The following NAA11 variants were observed in gnomAD, a reference collection of about 807,000 sequenced individuals.
The protein encoded by NAA11 is N-alpha-acetyltransferase 11, NatA catalytic subunit.
A neutral mutation model predicts 16.1 loss-of-function variants in NAA11; 15 were observed. That is an observed-to-expected ratio of 0.93 (90% CI 0.62 to 1.44). NAA11 has a LOEUF of 1.44. NAA11 is among the 40% of genes most tolerant of loss of function. The pLI is 0.00. For missense variants in NAA11, 298 were observed against 291.3 expected, an observed-to-expected ratio of 1.02 and a Z score of -0.17; for synonymous variants, 122 against 112.4, an observed-to-expected ratio of 1.09 and a Z score of -0.54.
chr4:79,279,852 C>G (rs999545385), intron 2 of NAA11, among the ~76,000 whole-genome samples: 5 of 152,044 alleles, frequency 3.3e-5, no homozygotes, highest in Non-Finnish European at 7.4e-5. Flanking sequence ...AGCCTTTCTG[C>G]CTAAATCAAA....
At chr4:79,173,875 T>C in the NAA11 span, among the ~76,000 whole-genome samples, 1 of 152,152 alleles carries the variant, frequency 6.6e-6, no homozygotes, top group African/African-American at 2.4e-5. Context: ...AGGCTGGCCC[T>C]GGACCTGGAA....
downstream of NAA11, among the ~76,000 whole-genome samples, chr4:79,221,631 A>G (rs1322968142): frequency 9.5e-6 from 1 of 105,274 alleles, no homozygotes; most frequent in Non-Finnish European, 2.2e-5. Context: ...TATTGAGATA[A>G]TCATGTGGTT....
the NAA11 span, among the ~76,000 whole-genome samples, chr4:79,178,016 G>A: frequency 6.6e-6 from 1 of 152,034 alleles, no homozygotes; most frequent in Non-Finnish European, 1.5e-5. Context: ...GATGTTATCA[G>A]CATCTGAGTT....
chr4:79,257,953 T>C (rs1722157691), intron 2 of NAA11, among the ~76,000 whole-genome samples: 1 of 152,212 alleles, frequency 6.6e-6, no homozygotes, highest in Non-Finnish European at 1.5e-5. Context: ...TACAAGACAA[T>C]ATGAAGCAAA....
the NAA11 span, among the ~76,000 whole-genome samples, chr4:79,179,016 T>C: frequency 6.6e-6 from 1 of 152,140 alleles, no homozygotes; most frequent in African/African-American, 2.4e-5. Context: ...TTGTAGTGTC[T>C]GTATCATCAT....
intron 1 of NAA11, among the ~76,000 whole-genome samples, chr4:79,322,411 CTTCTT>C (rs1336048778): frequency 1.3e-5 from 2 of 152,074 alleles, no homozygotes; most frequent in South Asian, 2.1e-4. Context: ...TTATTTCTCT[CTTCTT>C]TTACTACAGT....
At position 79,255,613 on chromosome 4, in the gene NAA11, A is replaced by G. The variant is rs186759301; in HGVS notation, c.*123-29343T>C. ...ATCTTTTATTTGGATTGTTTAATTCATTTATATTCAATGTTATTAGTGATA... is the reference window on the plus strand; with the variant it reads ...ATCTTTTATTTGGATTGTTTAATTCGTTTATATTCAATGTTATTAGTGATA... On this transcript the variant is annotated intron_variant and NMD_transcript_variant, in intron 2 of 2. Transcript: ENST00000511542. Among the ~76,000 whole-genome samples, 6 of 152,296 alleles carry G rather than the reference A, an allele frequency of 3.9e-5. No individual in the cohort carries two copies. In the East Asian group the frequency reaches 1.2e-3, roughly 29 times the overall value.
the NAA11 span, among the ~76,000 whole-genome samples, chr4:79,183,414 C>A: frequency 7.1e-6 from 1 of 141,360 alleles, no homozygotes; most frequent in Non-Finnish European, 1.6e-5. Flanking sequence ...AATAGTGGGG[C>A]CTAAAAAGAT....
At chr4:79,204,654 T>G in the NAA11 span, among the ~76,000 whole-genome samples, 9,132 of 151,674 alleles carry the variant, frequency 0.06, 387 homozygotes, top group Middle Eastern at 0.12. Context: ...TTAGTGTACC[T>G]GTCACCCAAT....
At chr4:79,173,391 A>G in the NAA11 span, among the ~76,000 whole-genome samples, 1 of 152,152 alleles carries the variant, frequency 6.6e-6, no homozygotes, top group Non-Finnish European at 1.5e-5. Flanking sequence ...GGAAAAACAC[A>G]CAGGAGGTAT....
At chr4:79,258,411 C>T (rs1231893934) in intron 2 of NAA11, among the ~76,000 whole-genome samples, 1 of 152,268 alleles carries the variant, frequency 6.6e-6, no homozygotes, top group Non-Finnish European at 1.5e-5. Context: ...CTTCTCCCTG[C>T]TGTCAGCACC....
the NAA11 span, among the ~76,000 whole-genome samples, chr4:79,183,919 A>T: frequency 1.1e-4 from 16 of 152,212 alleles, no homozygotes. Context: ...GGATCAAGTT[A>T]TGTCACATGC....
chr4:79,230,890 T>A (rs2109955418), intron 2 of NAA11, among the ~76,000 whole-genome samples: 1 of 152,106 alleles, frequency 6.6e-6, no homozygotes, highest in Middle Eastern at 3.4e-3. Flanking sequence ...TTAGCTATCC[T>A]AAAAAAACCT....
At chr4:79,273,534 C>T (rs948471535) in intron 2 of NAA11, among the ~76,000 whole-genome samples, 4 of 151,976 alleles carry the variant, frequency 2.6e-5, no homozygotes, top group Non-Finnish European at 5.9e-5. Context: ...AATGTTGTAT[C>T]GGCAAGGAGG....
chr4:79,174,710 G>T, the NAA11 span, among the ~76,000 whole-genome samples: 1 of 152,218 alleles, frequency 6.6e-6, no homozygotes, highest in South Asian at 2.1e-4. Context: ...AACAAGGATG[G>T]TATAAAACAT....
intron 2 of NAA11, among the ~76,000 whole-genome samples, chr4:79,259,703 C>T (rs1722207136): frequency 6.6e-6 from 1 of 152,244 alleles, no homozygotes; most frequent in Admixed American, 6.5e-5. Flanking sequence ...TAATTTGCAT[C>T]ATATTATCTT....
At chr4:79,177,222 A>G in the NAA11 span, among the ~76,000 whole-genome samples, 1 of 151,928 alleles carries the variant, frequency 6.6e-6, no homozygotes, top group South Asian at 2.1e-4. Flanking sequence ...TCAGCTCATA[A>G]TGTTTTGGGG....
intron 2 of NAA11, among the ~76,000 whole-genome samples, chr4:79,271,612 A>T (rs991155008): frequency 3.3e-5 from 5 of 152,078 alleles, no homozygotes; most frequent in African/African-American, 1.2e-4. Flanking sequence ...TAATATTGGT[A>T]CTTTAGCACC....
chr4:79,193,628 G>C, the NAA11 span, among the ~76,000 whole-genome samples: 9 of 152,158 alleles, frequency 5.9e-5, no homozygotes, highest in Non-Finnish European at 8.8e-5. Context: ...GGTTACTGTA[G>C]CCTTGTGGTA....
Sources: gnomAD v4.1 joint callset for allele counts (sites outside exome capture counted in the v4.1 genomes callset) on GRCh38, gnomAD v4.1.1 for gene constraint, MANE v1.5 for transcripts, NCBI Gene and HGNC (gene_info 2026-07-23, HGNC 2026-07-21) for gene names.